Variants in IGLL5 observed in about 807,000 individuals in gnomAD.
IGLL5 encodes immunoglobulin lambda like polypeptide 5, also known as immunoglobulin lambda-like polypeptide 5.
Under a neutral mutation model 20.9 loss-of-function variants are expected in IGLL5, and 30 were observed. The observed-to-expected ratio is 1.44, with a 90% CI of 1.07 to 1.95. The LOEUF (loss-of-function observed/expected upper bound fraction) is 1.95, where lower values mean the gene tolerates loss of function less well. Ranked by LOEUF, IGLL5 falls within the 30% of genes most tolerant of loss-of-function variation. The pLI, the probability that IGLL5 is intolerant of heterozygous loss-of-function variation, is 0.00. For synonymous variants in IGLL5, 203 were observed against 117.3 expected (o/e 1.73, Z -4.72); for missense variants, 475 against 270.7 (o/e 1.75, Z -5.30).
At chr22:22,893,075 C>G (rs1379503335) in intron 1 of IGLL5, among the ~76,000 whole-genome samples, 4 of 151,164 alleles carry the variant, frequency 2.6e-5, no homozygotes, top group Non-Finnish European at 4.4e-5. Flanking sequence ...AAAACAGTAC[C>G]TGACACAGAT....
At chr22:22,888,609 A>G (rs2067622134) in intron 1 of IGLL5, among the ~76,000 whole-genome samples, 1 of 151,332 alleles carries the variant, frequency 6.6e-6, no homozygotes, top group East Asian at 2.0e-4. Flanking sequence ...CTGTCCCCAC[A>G]GGGTGCCCAG....
chr22:22,888,439 G>A (rs117426305), intron 1 of IGLL5, among the ~76,000 whole-genome samples, 180 bp downstream of exon 1: 31 of 151,366 alleles, frequency 2.0e-4, no homozygotes, highest in East Asian at 1.6e-3. Flanking sequence ...TTGAATTACT[G>A]TTTTTAATAT....
Position 22,893,835 on chromosome 22 carries a change from C to CCGGCCTGTCTAGGTAAGTGACTCTCAATT in IGLL5, c.325+17_325+18insCGGCCTGTCTAGGTAAGTGACTCTCAATT. 1 of 1,503,106 alleles carries CCGGCCTGTCTAGGTAAGTGACTCTCAATT rather than the reference C, an allele frequency of 6.7e-7. No homozygotes were observed. The highest frequency in any genetic ancestry group is 1.4e-5 in the African/African-American group (1 of 72,776). The allele number at this position is 1,503,106 out of a possible 1,614,324, so 93.1% of individuals were successfully genotyped here. ...CCGTCCTAGGTAAGTGGCTCTCAACCTTTCCCAGCCTGTCTCACCCTCTGC... is the reference window on the plus strand; with the variant it reads ...CCGTCCTAGGTAAGTGGCTCTCAACCCGGCCTGTCTAGGTAAGTGACTCTCAATTTTTCCCAGCCTGTCTCACCCTCTGC... On this transcript the variant is annotated intron_variant, in intron 2 of 2. Coordinates refer to ENST00000526893, the MANE Select transcript of IGLL5 (RefSeq NM_001178126.2).
rs1569090693 is a variant in IGLL5, at chr22:22,895,821, T to C, written c.*127T>C. On this transcript the variant is annotated 3_prime_UTR_variant, in exon 3 of 3. Transcript: ENST00000526893. ...CATGAAACCCCAATAAATATCCTCATTGACAACCAGAAATCTTGTTTTATC... is the reference window on the plus strand; with the variant it reads ...CATGAAACCCCAATAAATATCCTCACTGACAACCAGAAATCTTGTTTTATC... 8 of 877,448 alleles carry C rather than the reference T, an allele frequency of 9.1e-6. No individual in the cohort carries two copies. The highest frequency in any genetic ancestry group is 2.9e-5 in the South Asian group (2 of 68,512). The allele number at this position is 877,448 out of a possible 1,614,324, so 54.4% of individuals were successfully genotyped here.
rs752273728 is a variant in IGLL5 at position 22,888,130 on chromosome 22, T to A, written c.77T>A (p.Leu26Gln). 3.2e-6 allele frequency: 5 copies of A among 1,548,258 alleles called. No individual in the cohort carries two copies. The highest frequency in any genetic ancestry group is 2.0e-5 in the Admixed American group (1 of 50,812). Residue 26 changes from leucine (L) to glutamine (Q), a missense_variant, in exon 1 of 3, where the codon CTG (leucine) becomes CAG (glutamine). Transcript: ENST00000526893. ...LGPGPRQRWPLLLLGLAMVAH... is the reference protein window; with the variant it reads ...LGPGPRQRWPQLLLGLAMVAH... ...CCTGGTCCCAGGCAGCGCTGGCCCC[T>A]GCTGCTGCTGGGTCTGGCCATGGTC...
At position 22,888,190 on chromosome 22, in the gene IGLL5, A is replaced by C. The variant is rs538001103; in HGVS notation, c.137A>C (p.Gln46Pro). ...CTGCTGCGCCCAATGGTTGCACCGCAAAGCGGGGACCCAGACCCTGGAGCC... is the reference window on the plus strand; with the variant it reads ...CTGCTGCGCCCAATGGTTGCACCGCCAAGCGGGGACCCAGACCCTGGAGCC... ...HGLLRPMVAP[Q>P]SGDPDPGASV... Residue 46 changes from glutamine (Q) to proline (P), a missense_variant, in exon 1 of 3, where the codon CAA (glutamine) becomes CCA (proline). Transcript: ENST00000526893. The C allele has an allele frequency of 6.5e-7, 1 of 1,548,822 alleles. No individual in the cohort carries two copies. Among genetic ancestry groups the C allele is most frequent in the Non-Finnish European group, 8.7e-7 (1 of 1,146,550 alleles).
intron 2 of IGLL5, among the ~76,000 whole-genome samples, chr22:22,894,639 C>A (rs145865501): frequency 1.3e-5 from 2 of 150,536 alleles, no homozygotes; most frequent in East Asian, 2.1e-4. Context: ...TCCATGGCTA[C>A]CAGGTGAAGT....
chr22:22,888,869 C>T (rs1337902202), intron 1 of IGLL5, among the ~76,000 whole-genome samples: 1 of 151,418 alleles, frequency 6.6e-6, no homozygotes, highest in African/African-American at 2.4e-5. Context: ...GAGAGGGGAT[C>T]TCCCTCTGGG....
intron 1 of IGLL5, 38 bp from the exon 2 acceptor site, chr22:22,893,662 C>A: frequency 7.3e-7 from 1 of 1,372,840 alleles, no homozygotes; most frequent in Non-Finnish European, 1.0e-6. Flanking sequence ...AGGTCCCAGC[C>A]CCGCCCACTG....
At chr22:22,888,333 A>T (rs1601599815) in intron 1 of IGLL5, 74 bp downstream of exon 1, 3 of 1,402,630 alleles carry the variant, frequency 2.1e-6, no homozygotes, top group African/African-American at 1.4e-5. Context: ...AGGGGAGACA[A>T]GCCAGAGGAG....
In IGLL5 at chr22:22,895,765, T is replaced by A. The variant is rs896891944; in HGVS notation, c.*71T>A. 1.0e-5 allele frequency: 14 copies of A among 1,355,526 alleles called. No individual in the cohort carries two copies. The highest frequency in any genetic ancestry group is 1.4e-5 in the African/African-American group (1 of 69,732). The allele number at this position is 1,355,526 out of a possible 1,614,324, so 84.0% of individuals were successfully genotyped here. On this transcript the variant is annotated 3_prime_UTR_variant, in exon 3 of 3. Coordinates refer to ENST00000526893, the MANE Select transcript of IGLL5 (RefSeq NM_001178126.2). ...CCCAGGGGAGGGGTCTCTCTCCCCA[T>A]CCCAAGTCATCCAGCCCTTCTCCCT...
chr22:22,888,271 G>C lies in IGLL5; in HGVS notation c.206+12G>C, dbSNP rs1417997665. On this transcript the variant is annotated intron_variant, in intron 1 of 2. Coordinates refer to ENST00000526893, the MANE Select transcript of IGLL5 (RefSeq NM_001178126.2). ...AGCCTGTGGGGCAGGTAAGGGGCAAGAGATTCCAGGGGATGTGGGGGTCCT... is the reference window on the plus strand; with the variant it reads ...AGCCTGTGGGGCAGGTAAGGGGCAACAGATTCCAGGGGATGTGGGGGTCCT... 6.5e-7 allele frequency: 1 copy of C among 1,546,466 alleles called. No individual in the cohort carries two copies. Among genetic ancestry groups the C allele is most frequent in the Non-Finnish European group, 8.7e-7 (1 of 1,145,782 alleles).
At chr22:22,889,633 G>T (rs2067741334) in intron 1 of IGLL5, among the ~76,000 whole-genome samples, 1 of 151,392 alleles carries the variant, frequency 6.6e-6, no homozygotes, top group African/African-American at 2.4e-5. Context: ...TGTTGCTCAG[G>T]CTGGAGTACA....
chr22:22,888,237 A>T lies in IGLL5; in HGVS notation c.184A>T (p.Ser62Cys), dbSNP rs762794322. The change falls in exon 1 of 3, where the codon AGC becomes TGC. Residue 62 changes from serine to cysteine, a missense_variant. By Grantham distance (112) the Ser-to-Cys change is moderately radical (BLOSUM62 -1). Coordinates refer to ENST00000526893, the MANE Select transcript of IGLL5 (RefSeq NM_001178126.2). ...PGASVGSSRS[S>C]LRSLWGRLLL... ...AGCCTCAGTTGGAAGCAGCCGATCC[A>T]GCCTGCGGAGCCTGTGGGGCAGGTA... 3 of 1,547,870 alleles carry T rather than the reference A, an allele frequency of 1.9e-6. No homozygotes were observed. The highest frequency in any genetic ancestry group is 1.4e-5 in the African/African-American group (1 of 72,840).
chr22:22,894,214 A>C (rs190410813), intron 2 of IGLL5, among the ~76,000 whole-genome samples: 2 of 151,224 alleles, frequency 1.3e-5, no homozygotes, highest in African/African-American at 2.4e-5. Flanking sequence ...TGAGTCTCAT[A>C]GTCTAGGGGA....
intron 1 of IGLL5, among the ~76,000 whole-genome samples, chr22:22,890,828 T>C (rs2067822189): frequency 6.6e-6 from 1 of 151,108 alleles, no homozygotes; most frequent in Admixed American, 6.6e-5. Flanking sequence ...TTGAATGTGT[T>C]TATGGTTTTA....
intron 1 of IGLL5, among the ~76,000 whole-genome samples, chr22:22,888,531 T>A (rs2067611246): frequency 3.3e-5 from 5 of 151,390 alleles, no homozygotes; most frequent in Admixed American, 1.3e-4. Flanking sequence ...CTCAATCACC[T>A]AGTCCTAGTC....
intron 1 of IGLL5, among the ~76,000 whole-genome samples, chr22:22,889,688 A>G (rs2067744968): frequency 2.0e-5 from 3 of 151,398 alleles, no homozygotes; most frequent in Admixed American, 6.6e-5. Context: ...CCAGGGCTCA[A>G]AAGATCCTCC....
chr22:22,895,898 G>A lies in IGLL5; in HGVS notation c.*204G>A. On this transcript the variant is annotated 3_prime_UTR_variant, in exon 3 of 3. Transcript: ENST00000526893. Reference sequence around the variant, plus strand: ...AGCCTCCCCGGGGTTCTCAGTGTGGGGTACAGGGAATTCTGCACCCAGTGT... The same window carrying A: ...AGCCTCCCCGGGGTTCTCAGTGTGGAGTACAGGGAATTCTGCACCCAGTGT... 1 of 630,556 alleles carries A rather than the reference G, an allele frequency of 1.6e-6. No individual in the cohort carries two copies. Among genetic ancestry groups the A allele is most frequent in the Non-Finnish European group, 2.8e-6 (1 of 355,872 alleles). The allele number at this position is 630,556 out of a possible 1,614,324, so 39.1% of individuals were successfully genotyped here. A position where few individuals can be genotyped will look rare whatever the true frequency, so the allele number is the denominator to read the frequency against.
Sources: gnomAD v4.1 joint callset for allele counts (sites outside exome capture counted in the v4.1 genomes callset) on GRCh38, gnomAD v4.1.1 for gene constraint, MANE v1.5 for transcripts, NCBI Gene and HGNC (gene_info 2026-07-23, HGNC 2026-07-21) for gene names.